Variants in MTR observed in about 807,000 individuals in gnomAD.
MTR encodes 5-methyltetrahydrofolate-homocysteine methyltransferase.
Under a neutral mutation model 154.8 loss-of-function variants are expected in MTR, and 84 were observed. The ratio of observed to expected loss-of-function variants is 0.54; its 90% CI spans 0.45 to 0.65. The LOEUF is 0.65. Ranked by LOEUF, MTR falls within the 30% of genes least tolerant of loss-of-function variation. The pLI is 0.00. For synonymous variants in MTR, 554 were observed against 553.9 expected (o/e 1.00, Z 0.00); for missense variants, 1,275 against 1,570.2 (o/e 0.81, Z 3.18).
intron 15 of MTR, among the ~76,000 whole-genome samples, chr1:236,846,460 A>G (rs972252496): frequency 7.2e-5 from 11 of 152,188 alleles, no homozygotes; most frequent in Non-Finnish European, 1.3e-4. Context: ...TATGCAACAC[A>G]TTTTCCTGTT....
chr1:236,815,535 A>T, intron 6 of MTR, 69 bp from the exon 7 acceptor site: 1 of 1,495,750 alleles, frequency 6.7e-7, no homozygotes, highest in Non-Finnish European at 9.3e-7. Context: ...GTGCATTCTA[A>T]TCAGGAAGTT....
At chr1:236,797,150 G>GA (rs1485994808) in intron 1 of MTR, among the ~76,000 whole-genome samples, 3 of 152,180 alleles carry the variant, frequency 2.0e-5, no homozygotes, top group African/African-American at 7.2e-5. Context: ...CTGAAGTTCT[G>GA]AATCAGGCCA....
At chr1:236,861,097 C>CTTTTTCTTTTT in intron 19 of MTR, 28 bp from the exon 20 acceptor site, 1 of 1,156,660 alleles carries the variant, frequency 8.6e-7, no homozygotes, top group African/African-American at 1.9e-5. Flanking sequence ...CTTTCTTTTT[C>CTTTTTCTTTTT]TTTTTTTTTT....
At position 236,804,129 on chromosome 1, in the gene MTR, A is replaced by G. The variant is rs182366162; in HGVS notation, c.249+487A>G. 3.8e-3 allele frequency among the ~76,000 whole-genome samples: 572 copies of G among 152,308 alleles called. 3 individuals are homozygous for G. Among genetic ancestry groups the G allele is most frequent in the Non-Finnish European group, 4.5e-3 (309 of 68,030 alleles). On this transcript the variant is annotated intron_variant, in intron 2 of 32. Transcript: ENST00000366577. ...GTCTGGTGAGGGCCCTCTTGTTTAT[A>G]GATAGCTGTCTTTGTATCTACATGA... is the stretch of plus-strand genomic sequence containing the variant.
intron 21 of MTR, 94 bp downstream of exon 21, chr1:236,862,437 G>A (rs1664597532): frequency 1.0e-6 from 1 of 965,296 alleles, no homozygotes; most frequent in East Asian, 2.4e-5. Context: ...GGTTGGCTGT[G>A]TTCGTTATTG....
chr1:236,809,544 A>ATG (rs1661182368), intron 4 of MTR, among the ~76,000 whole-genome samples: 1 of 152,246 alleles, frequency 6.6e-6, no homozygotes, highest in African/African-American at 2.4e-5. Context: ...GATAATGTTT[A>ATG]AATTCATGGA....
At chr1:236,876,210 A>G (rs1267015878) in intron 24 of MTR, among the ~76,000 whole-genome samples, 1 of 152,266 alleles carries the variant, frequency 6.6e-6, no homozygotes, top group African/African-American at 2.4e-5. Context: ...ATACCATTTA[A>G]AATTTGAATG....
chr1:236,861,525 G>T (rs1169199114), intron 20 of MTR, among the ~76,000 whole-genome samples: 1 of 151,978 alleles, frequency 6.6e-6, no homozygotes, highest in Non-Finnish European at 1.5e-5. Flanking sequence ...TCTAATTTTT[G>T]TATCACCTCT....
chr1:236,863,499 G>A lies in MTR; in HGVS notation c.2350G>A (p.Val784Met), dbSNP rs940351904. The A allele has an allele frequency of 1.9e-6, 3 of 1,613,958 alleles. No individual in the cohort carries two copies. Among genetic ancestry groups the A allele is most frequent in the Admixed American group, 1.7e-5 (1 of 59,990 alleles). The change falls in exon 22 of 33, where the codon GTG becomes ATG. Residue 784 changes from valine to methionine, a missense_variant. By Grantham distance (21) the Val-to-Met change is conservative. Transcript: ENST00000366577. The part of the protein sequence containing the change: ...TIVLATVKGD[V>M]HDIGKNIVGV... The stretch of plus-strand genomic sequence containing the variant: ...CGTGCTGGCCACTGTTAAAGGCGAC[G>A]TGCACGACATAGGCAAGAACATAGT...
intron 1 of MTR, 41 bp from the exon 2 acceptor site, chr1:236,803,387 A>G: frequency 6.3e-7 from 1 of 1,584,122 alleles, no homozygotes; most frequent in Non-Finnish European, 8.7e-7. Context: ...CATCTTTTTC[A>G]CCTTTCATTC....
intron 4 of MTR, among the ~76,000 whole-genome samples, chr1:236,810,267 T>C (rs528247046): frequency 6.6e-6 from 1 of 152,348 alleles, no homozygotes; most frequent in Non-Finnish European, 1.5e-5. Flanking sequence ...AAGCAGAATC[T>C]ATGAATCATC....
intron 1 of MTR, among the ~76,000 whole-genome samples, chr1:236,799,239 A>G (rs1056044693): frequency 6.6e-6 from 1 of 151,686 alleles, no homozygotes; most frequent in African/African-American, 2.4e-5. Flanking sequence ...TTCTTGCCTC[A>G]GCCTTACTAG....
intron 29 of MTR, among the ~76,000 whole-genome samples, chr1:236,892,710 C>T (rs1203125262): frequency 6.6e-6 from 1 of 152,150 alleles, no homozygotes; most frequent in Non-Finnish European, 1.5e-5. Flanking sequence ...ATATAAGGCA[C>T]TGGGGTTCTA....
intron 3 of MTR, 98 bp downstream of exon 3, chr1:236,806,331 C>G: frequency 1.1e-6 from 1 of 935,370 alleles, no homozygotes; most frequent in South Asian, 1.3e-5. Flanking sequence ...CAGAGTCAAG[C>G]TAATGCCTAG....
chr1:236,895,626 T>A (rs1217508423), intron 31 of MTR, 76 bp downstream of exon 31: 1 of 1,449,644 alleles, frequency 6.9e-7, no homozygotes, highest in Non-Finnish European at 9.4e-7. Flanking sequence ...GCACTTAGGG[T>A]TAAACATGTT....
chr1:236,865,584 GA>G (rs1022503308), intron 22 of MTR, among the ~76,000 whole-genome samples: 29 of 152,080 alleles, frequency 1.9e-4, no homozygotes, highest in African/African-American at 6.8e-4. Flanking sequence ...TCTTTGTGGG[GA>G]TAAAAGAAAT....
In MTR at chr1:236,867,815, G is replaced by A. The variant is rs563847278; in HGVS notation, c.2405+4261G>A. ...TAGCAAGAGTAAACCAGAATTAAAAGTGGAGCCTGAAGATGGGAATGAATT... is the reference window on the plus strand; with the variant it reads ...TAGCAAGAGTAAACCAGAATTAAAAATGGAGCCTGAAGATGGGAATGAATT... On this transcript the variant is annotated intron_variant, in intron 22 of 32. Transcript: ENST00000366577. Among the ~76,000 whole-genome samples the A allele has an allele frequency of 2.6e-4, 40 of 152,326 alleles. 3 individuals carry two copies. The highest frequency in any genetic ancestry group is 9.4e-4 in the African/African-American group (39 of 41,580).
chr1:236,858,256 A>G (rs967035891), intron 18 of MTR, among the ~76,000 whole-genome samples: 4 of 152,328 alleles, frequency 2.6e-5, no homozygotes, highest in African/African-American at 9.6e-5. Context: ...CACGTCTTAC[A>G]TGACAGCAGA....
intron 14 of MTR, among the ~76,000 whole-genome samples, chr1:236,836,426 C>G (rs989752011): frequency 6.6e-6 from 1 of 151,996 alleles, no homozygotes; most frequent in Non-Finnish European, 1.5e-5. Context: ...GTAGAGAGGT[C>G]GGGTCTTGCT....
Sources: gnomAD v4.1 joint callset for allele counts (sites outside exome capture counted in the v4.1 genomes callset) on GRCh38, gnomAD v4.1.1 for gene constraint, MANE v1.5 for transcripts, NCBI Gene and HGNC (gene_info 2026-07-23, HGNC 2026-07-21) for gene names.